Variants in TCF7L2 observed in about 807,000 individuals in gnomAD.
TCF7L2 encodes the protein transcription factor 7-like 2.
In TCF7L2, 23 loss-of-function variants were observed where a neutral mutation model predicts 77.9. The observed-to-expected ratio is 0.30, with a 90% CI of 0.21 to 0.42. TCF7L2 has a LOEUF of 0.42. Among genes scored for constraint, TCF7L2 ranks in the 10% least tolerant of loss-of-function variants. The pLI is 1.00. For missense variants in TCF7L2, 654 were observed against 793.1 expected (o/e 0.82, Z 2.11); for synonymous variants, 413 against 340.2 (o/e 1.21, Z -2.36).
intron 12 of TCF7L2, 118 bp downstream of exon 12, chr10:113,158,187 C>G (rs2072362960): frequency 9.6e-7 from 1 of 1,046,638 alleles, no homozygotes; most frequent in Admixed American, 2.3e-5. Context: ...GTGGGGGAAC[C>G]CTTCTTAGCT....
chr10:113,117,504 G>A (rs999872286), intron 5 of TCF7L2, among the ~76,000 whole-genome samples: 2 of 146,844 alleles, frequency 1.4e-5, no homozygotes, highest in Non-Finnish European at 3.0e-5. Flanking sequence ...TTACAGAACA[G>A]GATACAATGA....
At chr10:113,038,784 C>A (rs942423332) in intron 4 of TCF7L2, among the ~76,000 whole-genome samples, 1 of 152,152 alleles carries the variant, frequency 6.6e-6, no homozygotes, top group Non-Finnish European at 1.5e-5. Context: ...GTCTGTAAGG[C>A]TCCTCATGCT....
At chr10:113,023,457 T>C (rs1164375593) in intron 4 of TCF7L2, among the ~76,000 whole-genome samples, 1 of 152,114 alleles carries the variant, frequency 6.6e-6, no homozygotes, top group South Asian at 2.1e-4. Context: ...TTAAAATACC[T>C]GAATGAACTG....
intron 5 of TCF7L2, among the ~76,000 whole-genome samples, chr10:113,046,072 T>A (rs1222595654): frequency 6.6e-6 from 1 of 151,986 alleles, no homozygotes; most frequent in African/African-American, 2.4e-5. Context: ...GACTCCAAAG[T>A]GTACATGGGG....
Position 112,964,739 on chromosome 10 carries a change from A to G in TCF7L2, c.450+115A>G, listed in dbSNP as rs113353253. On this transcript the variant is annotated intron_variant, in intron 4 of 13. Transcript: ENST00000627217. Reference sequence around the variant, plus strand: ...AATGATGATGATGATGATGATGATGATGGTGGTGGTGGTGGTGGTGATGGT... The same window carrying G: ...AATGATGATGATGATGATGATGATGGTGGTGGTGGTGGTGGTGGTGATGGT... 5,775 of 576,156 alleles carry G rather than the reference A, an allele frequency of 0.01. 279 individuals are homozygous for G. The African/African-American group carries it at 0.12, about 12-fold the overall frequency. The allele number at this position is 576,156 out of a possible 1,614,324, so 35.7% of individuals were successfully genotyped here.
chr10:113,145,928 G>A (rs1490384754), intron 7 of TCF7L2, 83 bp from the exon 8 acceptor site: 1 of 1,171,834 alleles, frequency 8.5e-7, no homozygotes. Flanking sequence ...ACTGTGCAGA[G>A]AGAACTTTTC....
intron 5 of TCF7L2, among the ~76,000 whole-genome samples, chr10:113,121,291 G>GCCT: frequency 6.6e-6 from 1 of 152,182 alleles, no homozygotes; most frequent in Admixed American, 6.5e-5. Context: ...TCTCCTAGCT[G>GCCT]TCTGTGAGGA....
intron 4 of TCF7L2, among the ~76,000 whole-genome samples, chr10:112,988,843 G>T (rs2042028853): frequency 6.6e-6 from 1 of 152,162 alleles, no homozygotes; most frequent in South Asian, 2.1e-4. Flanking sequence ...CTATCTGCCA[G>T]TTTCTCTATA....
At chr10:112,976,062 G>C (rs2039363094) in intron 4 of TCF7L2, among the ~76,000 whole-genome samples, 1 of 152,180 alleles carries the variant, frequency 6.6e-6, no homozygotes, top group Non-Finnish European at 1.5e-5. Context: ...ATCTATCTGG[G>C]TTTGAGTGTC....
At chr10:112,970,679 C>T (rs900034586) in intron 4 of TCF7L2, among the ~76,000 whole-genome samples, 1 of 152,090 alleles carries the variant, frequency 6.6e-6, no homozygotes, top group African/African-American at 2.4e-5. Flanking sequence ...GTTTGCAGGG[C>T]GCTTGACTTT....
Position 113,049,459 on chromosome 10 carries a change from C to T in TCF7L2, c.552+9333C>T, listed in dbSNP as rs113929521. ...CCCATCCCACAGGCCCAAGTGTGTC[C>T]TCTCTACCTTCAAAGCGTGTGTGGC... On this transcript the variant is annotated intron_variant, in intron 5 of 13. Coordinates refer to ENST00000627217, the MANE Select transcript of TCF7L2 (RefSeq NM_001146274.2). Among the ~76,000 whole-genome samples, 985 of 152,128 alleles carry T rather than the reference C, an allele frequency of 6.5e-3. 14 individuals are homozygous for T. Among genetic ancestry groups the T allele is most frequent in the African/African-American group, 0.023 (948 of 41,504 alleles).
intron 3 of TCF7L2, among the ~76,000 whole-genome samples, chr10:112,952,937 G>A (rs1467411769): frequency 6.6e-6 from 1 of 150,620 alleles, no homozygotes; most frequent in African/African-American, 2.4e-5. Flanking sequence ...ATTTGTGCCC[G>A]GCTTCCCGGT....
rs532681619 is a variant in TCF7L2 at position 113,114,942 on chromosome 10, T to C, written c.553-26242T>C. ...GGAAATAGGTACCGTCCAGTAAATC[T>C]TAATTAAGTTATTGAAAATTGAAGA... On this transcript the variant is annotated intron_variant, in intron 5 of 13. Transcript: ENST00000627217. Among the ~76,000 whole-genome samples the C allele has an allele frequency of 3.3e-5, 5 of 152,348 alleles. No homozygotes were observed. In the East Asian group the frequency reaches 9.6e-4, roughly 29 times the overall value.
At chr10:112,991,075 C>T (rs1405966507) in intron 4 of TCF7L2, among the ~76,000 whole-genome samples, 2 of 152,126 alleles carry the variant, frequency 1.3e-5, no homozygotes, top group African/African-American at 4.8e-5. Context: ...GTGGACATGC[C>T]AAAGTTGTGG....
intron 4 of TCF7L2, among the ~76,000 whole-genome samples, chr10:113,009,614 A>G (rs2046120027): frequency 6.6e-6 from 1 of 152,194 alleles, no homozygotes; most frequent in African/African-American, 2.4e-5. Flanking sequence ...AATGTTCCTC[A>G]AGGGGGAATG....
At chr10:113,072,574 C>G (rs1365589655) in intron 5 of TCF7L2, among the ~76,000 whole-genome samples, 1 of 152,180 alleles carries the variant, frequency 6.6e-6, no homozygotes, top group East Asian at 1.9e-4. Context: ...AGGCTGGTCT[C>G]GAACTCCTGA....
chr10:112,962,369 AC>A (rs1447560515), intron 3 of TCF7L2, among the ~76,000 whole-genome samples: 2 of 100,146 alleles, frequency 2.0e-5, no homozygotes, highest in Non-Finnish European at 3.7e-5. Flanking sequence ...AGTGTTGCCT[AC>A]TCTGCTTTGA....
intron 5 of TCF7L2, among the ~76,000 whole-genome samples, chr10:113,093,609 C>T (rs947265655): frequency 1.3e-5 from 2 of 152,188 alleles, no homozygotes; most frequent in African/African-American, 4.8e-5. Flanking sequence ...TAGATCCCTT[C>T]CTCTAGGGAA....
At chr10:113,057,390 C>T (rs1160124879) in intron 5 of TCF7L2, among the ~76,000 whole-genome samples, 1 of 152,156 alleles carries the variant, frequency 6.6e-6, no homozygotes, top group Non-Finnish European at 1.5e-5. Flanking sequence ...AGGCTGGTCT[C>T]GAACTCCTGA....
Sources: gnomAD v4.1 joint callset for allele counts (sites outside exome capture counted in the v4.1 genomes callset) on GRCh38, gnomAD v4.1.1 for gene constraint, MANE v1.5 for transcripts, NCBI Gene and HGNC (gene_info 2026-07-23, HGNC 2026-07-21) for gene names.